The following SRD5A1 variants were observed in gnomAD, a reference collection of about 807,000 sequenced individuals.
The protein encoded by SRD5A1 is steroid 5 alpha-reductase 1, also known as 3-oxo-5-alpha-steroid 4-dehydrogenase 1.
Under a neutral mutation model 28.2 loss-of-function variants are expected in SRD5A1, and 22 were observed. The observed-to-expected ratio is 0.78, with a 90% CI of 0.56 to 1.12. The LOEUF is 1.12. SRD5A1 is among the 50% of genes most tolerant of loss of function. The pLI, the probability that SRD5A1 is intolerant of heterozygous loss-of-function variation, is 0.00. For synonymous variants in SRD5A1, 151 were observed against 135.0 expected (o/e 1.12, Z -0.82); for missense variants, 300 against 346.7 (o/e 0.87, Z 1.07).
chr5:6,663,587 C>T lies in SRD5A1; in HGVS notation c.713+621C>T, dbSNP rs184005792. 2.4e-3 allele frequency among the ~76,000 whole-genome samples: 362 copies of T among 152,324 alleles called. 2 individuals are homozygous for T. Among genetic ancestry groups the T allele is most frequent in the African/African-American group, 8.4e-3 (347 of 41,552 alleles). On this transcript the variant is annotated intron_variant, in intron 4 of 4. Transcript: ENST00000274192. ...ATAAAGAAATCAAAGGGACTGGGCG[C>T]GGTGGCTCATGCCTGTAATCCCAGC... is the stretch of plus-strand genomic sequence containing the variant.
chr5:6,635,120 C>T (rs1287793249), intron 1 of SRD5A1, among the ~76,000 whole-genome samples: 4 of 152,242 alleles, frequency 2.6e-5, no homozygotes, highest in Non-Finnish European at 5.9e-5. Context: ...CACAGCTCCA[C>T]TACTTGGAAC....
rs1738055314 is a variant in SRD5A1, at chr5:6,633,626, C to T, written c.50C>T (p.Ala17Val). The change falls in exon 1 of 5, where the codon GCC becomes GTC. Residue 17 changes from alanine to valine, a missense_variant. By Grantham distance (64) the Ala-to-Val change is moderately conservative (BLOSUM62 0). Transcript: ENST00000274192. ...VAEERLLAAL[A>V]YLQCAVGCAV... Reference sequence around the variant, plus strand: ...GAGGAGCGCCTGCTGGCCGCGCTCGCCTACCTGCAGTGCGCCGTGGGCTGC... The same window carrying T: ...GAGGAGCGCCTGCTGGCCGCGCTCGTCTACCTGCAGTGCGCCGTGGGCTGC... 1.8e-5 allele frequency: 27 copies of T among 1,541,414 alleles called. No individual in the cohort carries two copies. The highest frequency in any genetic ancestry group is 2.5e-5 in the East Asian group (1 of 40,692).
intron 2 of SRD5A1, 151 bp from the exon 3 acceptor site, chr5:6,655,927 C>T: frequency 3.2e-6 from 2 of 622,488 alleles, no homozygotes; most frequent in Non-Finnish European, 5.7e-6. Flanking sequence ...GACAACAGTC[C>T]TTAATGGTTT....
At chr5:6,651,062 C>T (rs549117877) in intron 1 of SRD5A1, among the ~76,000 whole-genome samples, 111 of 152,060 alleles carry the variant, frequency 7.3e-4, no homozygotes, top group Admixed American at 5.1e-3. Context: ...AGTGCCTCTG[C>T]CTGGTTAGCT....
chr5:6,663,950 CTG>C (rs756012723), intron 4 of SRD5A1, among the ~76,000 whole-genome samples: 13 of 152,146 alleles, frequency 8.5e-5, no homozygotes, highest in African/African-American at 1.9e-4. Context: ...GATGAGGAAA[CTG>C]AGGTTCAGGG....
rs757174529 is a variant in SRD5A1, at chr5:6,662,871, G to A, written c.618G>A (p.Trp206Ter). 6.2e-7 allele frequency: 1 copy of A among 1,613,206 alleles called. No homozygotes were observed. The highest frequency in any genetic ancestry group is 1.1e-5 in the South Asian group (1 of 91,052). Residue 206 changes from tryptophan (W) to a stop codon, truncating the protein, a stop_gained, in exon 4 of 5, where the codon TGG (tryptophan) becomes TGA (stop). Coordinates refer to ENST00000274192, the MANE Select transcript of SRD5A1 (RefSeq NM_001047.4). LOFTEE classifies it high-confidence loss of function. The part of the protein sequence containing the change: ...AANYFGEIME[W>*]CGYALASWSV... The stretch of plus-strand genomic sequence containing the variant: ...ACTATTTTGGAGAAATCATGGAGTG[G>A]TGTGGCTATGCCCTGGCCAGCTGGT...
chr5:6,643,550 G>A (rs923817270), intron 1 of SRD5A1, among the ~76,000 whole-genome samples: 24 of 151,880 alleles, frequency 1.6e-4, no homozygotes, highest in Admixed American at 1.5e-3. Context: ...TTGGCCTCCC[G>A]AAGTGCTGGG....
At chr5:6,666,588 C>T (rs1000337337) in intron 4 of SRD5A1, among the ~76,000 whole-genome samples, 16 of 152,118 alleles carry the variant, frequency 1.1e-4, no homozygotes, top group Non-Finnish European at 1.9e-4. Flanking sequence ...GGGTTGCTAA[C>T]AAATATTCTC....
intron 1 of SRD5A1, among the ~76,000 whole-genome samples, chr5:6,637,298 T>A (rs1001284030): frequency 6.6e-6 from 1 of 152,180 alleles, no homozygotes; most frequent in Non-Finnish European, 1.5e-5. Flanking sequence ...ATTTACCCTG[T>A]TCCCTGGCCC....
chr5:6,639,017 C>T lies in SRD5A1; in HGVS notation c.293+5148C>T, dbSNP rs151176887. On this transcript the variant is annotated intron_variant, in intron 1 of 4. Coordinates refer to ENST00000274192, the MANE Select transcript of SRD5A1 (RefSeq NM_001047.4). ...ACCAAATTCTCTATTTCATTGTTCC[C>T]AAACTTGGGGGTACAACATTATAGG... Among the ~76,000 whole-genome samples the T allele has an allele frequency of 8.3e-4, 127 of 152,296 alleles. 1 individual carries two copies. The highest frequency in any genetic ancestry group is 2.9e-3 in the African/African-American group (122 of 41,558).
intron 1 of SRD5A1, among the ~76,000 whole-genome samples, chr5:6,643,565 C>T (rs1174613373): frequency 6.6e-6 from 1 of 152,054 alleles, no homozygotes; most frequent in African/African-American, 2.4e-5. Flanking sequence ...GCTGGGATTA[C>T]AGGCATGAGC....
intron 1 of SRD5A1, 116 bp from the exon 2 acceptor site, chr5:6,651,726 G>A (rs1738676079): frequency 1.1e-6 from 1 of 933,068 alleles, no homozygotes; most frequent in African/African-American, 1.7e-5. Context: ...AAATGTTACT[G>A]AGGATGACAT....
chr5:6,634,861 G>A (rs1231181651), intron 1 of SRD5A1, among the ~76,000 whole-genome samples: 2 of 152,188 alleles, frequency 1.3e-5, no homozygotes, highest in Admixed American at 6.5e-5. Context: ...ACGACAGGTC[G>A]AAAGTTCAAA....
intron 3 of SRD5A1, among the ~76,000 whole-genome samples, chr5:6,659,268 C>A (rs1451996640): frequency 6.6e-6 from 1 of 151,992 alleles, no homozygotes. Flanking sequence ...CGCCCGCCAC[C>A]ACGCCTGGCT....
chr5:6,652,328 T>C (rs931355560), intron 2 of SRD5A1, among the ~76,000 whole-genome samples: 2 of 152,240 alleles, frequency 1.3e-5, no homozygotes, highest in African/African-American at 4.8e-5. Flanking sequence ...TGGCCACTCA[T>C]TGACCACATA....
intron 1 of SRD5A1, among the ~76,000 whole-genome samples, chr5:6,639,444 G>T (rs900783851): frequency 2.0e-5 from 3 of 152,222 alleles, no homozygotes; most frequent in Non-Finnish European, 4.4e-5. Context: ...TCACTCAAGT[G>T]CTGCTTAGGA....
chr5:6,652,382 G>A (rs895244234), intron 2 of SRD5A1, among the ~76,000 whole-genome samples: 3 of 152,144 alleles, frequency 2.0e-5, no homozygotes, highest in African/African-American at 7.2e-5. Context: ...ACCCAGACTG[G>A]GTTAGCTTCC....
intron 4 of SRD5A1, among the ~76,000 whole-genome samples, chr5:6,663,693 C>G (rs1739077630): frequency 1.3e-5 from 2 of 152,100 alleles, no homozygotes; most frequent in African/African-American, 4.8e-5. Flanking sequence ...AATCCCGTCT[C>G]TACTAAAAAT....
intron 3 of SRD5A1, among the ~76,000 whole-genome samples, chr5:6,658,932 C>T (rs545420658): frequency 6.6e-6 from 1 of 151,682 alleles, no homozygotes; most frequent in African/African-American, 2.4e-5. Flanking sequence ...GGCAACATAG[C>T]CAGACTCCCA....
Sources: allele counts gnomAD v4.1 joint callset (sites outside exome capture counted in the v4.1 genomes callset), GRCh38; gene constraint gnomAD v4.1.1; transcripts MANE v1.5; gene names NCBI Gene and HGNC (gene_info 2026-07-23, HGNC 2026-07-21).